Variants in CBLN2 observed in about 807,000 individuals in gnomAD.
CBLN2 encodes cerebellin 2 precursor.
CBLN2 carries 7 observed loss-of-function variants against 15.0 expected under a neutral mutation model. The observed-to-expected ratio is 0.47, with a 90% confidence interval of 0.27 to 0.88. The LOEUF is 0.88. Among genes scored for constraint, CBLN2 ranks in the 40% least tolerant of loss-of-function variants. The pLI is 0.14. For missense variants in CBLN2, 242 were observed against 304.5 expected (o/e 0.79, Z 1.53); for synonymous variants, 149 against 135.2 (o/e 1.10, Z -0.71).
At chr18:72,565,263 A>C (rs538668862) in intron 1 of CBLN2, among the ~76,000 whole-genome samples, 2 of 152,276 alleles carry the variant, frequency 1.3e-5, no homozygotes, top group South Asian at 4.1e-4. Context: ...CATGGTAGTA[A>C]TACATATTAC....
intron 1 of CBLN2, among the ~76,000 whole-genome samples, chr18:72,556,019 T>G (rs1023908413): frequency 2.6e-5 from 4 of 152,086 alleles, no homozygotes; most frequent in Non-Finnish European, 5.9e-5. Context: ...ACTGGCAATG[T>G]TTGGGATGGC....
chr18:72,589,858 T>G (rs184638404), intron 1 of CBLN2, among the ~76,000 whole-genome samples: 1 of 152,318 alleles, frequency 6.6e-6, no homozygotes, highest in Admixed American at 6.5e-5. Context: ...GGAGGTCAGC[T>G]GCAGTGGCTC....
chr18:72,572,978 G>A (rs2069341855), intron 1 of CBLN2, among the ~76,000 whole-genome samples: 1 of 152,106 alleles, frequency 6.6e-6, no homozygotes, highest in Admixed American at 6.5e-5. Flanking sequence ...ATCTTGATTA[G>A]TGAAGGAGCT....
chr18:72,549,861 T>C (rs895400396), intron 1 of CBLN2, among the ~76,000 whole-genome samples: 7 of 152,158 alleles, frequency 4.6e-5, no homozygotes, highest in Non-Finnish European at 2.9e-5. Context: ...ATCTGCACAT[T>C]ACTGGGCAAA....
intron 1 of CBLN2, among the ~76,000 whole-genome samples, chr18:72,594,022 C>G (rs1451990322): frequency 6.6e-6 from 1 of 152,224 alleles, no homozygotes; most frequent in Admixed American, 6.5e-5. Flanking sequence ...TCTCAGCAAA[C>G]TAACACAGGA....
chr18:72,612,866 C>T (rs1035168240), intron 1 of CBLN2, among the ~76,000 whole-genome samples: 1 of 152,226 alleles, frequency 6.6e-6, no homozygotes, highest in African/African-American at 2.4e-5. Context: ...GTGTCATAAA[C>T]TGGGTGCCCA....
At chr18:72,618,731 A>G in intron 1 of CBLN2, 1 of 719,234 alleles carries the variant, frequency 1.4e-6, no homozygotes. Flanking sequence ...TTTGATGACC[A>G]TGACTCCGTG....
intron 1 of CBLN2, among the ~76,000 whole-genome samples, chr18:72,638,013 G>C (rs1164918676): frequency 6.6e-6 from 1 of 152,200 alleles, no homozygotes; most frequent in African/African-American, 2.4e-5. Flanking sequence ...GACTGTGGTA[G>C]GAAAGCTTGG....
At chr18:72,592,093 A>G (rs1307560562) in intron 1 of CBLN2, among the ~76,000 whole-genome samples, 1 of 152,086 alleles carries the variant, frequency 6.6e-6, no homozygotes, top group Non-Finnish European at 1.5e-5. Context: ...TCCCACCAAC[A>G]TGTACTAATT....
intron 1 of CBLN2, among the ~76,000 whole-genome samples, chr18:72,628,822 C>T (rs920470228): frequency 2.6e-5 from 4 of 152,214 alleles, no homozygotes; most frequent in Non-Finnish European, 4.4e-5. Flanking sequence ...TCAATCATTT[C>T]CTAGCTGCTG....
intron 1 of CBLN2, among the ~76,000 whole-genome samples, chr18:72,561,025 G>A (rs993826234): frequency 6.6e-6 from 1 of 151,730 alleles, no homozygotes; most frequent in African/African-American, 2.4e-5. Flanking sequence ...AATAAAGAAA[G>A]AAAAATAAAA....
intron 1 of CBLN2, among the ~76,000 whole-genome samples, chr18:72,611,168 T>A (rs1223809444): frequency 6.6e-6 from 1 of 152,234 alleles, no homozygotes. Flanking sequence ...TGATTCCACA[T>A]CTTCACTATT....
At chr18:72,635,770 T>C (rs4892022) in intron 1 of CBLN2, among the ~76,000 whole-genome samples, 44,320 of 151,850 alleles carry the variant, frequency 0.29, 7,022 homozygotes, top group East Asian at 0.61. Flanking sequence ...AATGAATTCA[T>C]TAGGTTATCA....
intron 1 of CBLN2, among the ~76,000 whole-genome samples, chr18:72,575,080 T>C (rs2069356192): frequency 6.6e-6 from 1 of 152,140 alleles, no homozygotes; most frequent in Non-Finnish European, 1.5e-5. Flanking sequence ...GCTTCAGATG[T>C]AGAACCAACA....
intron 1 of CBLN2, among the ~76,000 whole-genome samples, chr18:72,556,213 C>T (rs75174893): frequency 3.9e-5 from 6 of 151,962 alleles, no homozygotes; most frequent in East Asian, 1.9e-4. Flanking sequence ...TTTTAACCAG[C>T]GAATAAATGT....
chr18:72,620,790 A>T (rs1190927316), intron 1 of CBLN2, among the ~76,000 whole-genome samples: 1 of 152,182 alleles, frequency 6.6e-6, no homozygotes, highest in Non-Finnish European at 1.5e-5. Flanking sequence ...ATCTTCCAAC[A>T]ACTTTTGATA....
Position 72,537,973 on chromosome 18 carries a change from G to A in CBLN2, c.*203C>T, listed in dbSNP as rs1407962412. The A allele has an allele frequency of 1.2e-5, 7 of 599,196 alleles. No individual in the cohort carries two copies. Among genetic ancestry groups the A allele is most frequent in the Admixed American group, 3.0e-5 (1 of 33,744 alleles). 37.1% of individuals were successfully genotyped at this position (599,196 alleles called of 1,614,324 possible). A position where few individuals can be genotyped will look rare whatever the true frequency, so the allele number is the denominator to read the frequency against. On this transcript the variant is annotated 3_prime_UTR_variant, in exon 5 of 5. Coordinates refer to ENST00000269503, the MANE Select transcript of CBLN2 (RefSeq NM_182511.4). ...AGACCTTGTCATCTAAAACTAATTA[G>A]AGGCCAGGTTCCCGAGGAATTGTCA...
At chr18:72,614,117 G>A (rs377355201) in intron 1 of CBLN2, among the ~76,000 whole-genome samples, 92 of 152,076 alleles carry the variant, frequency 6.0e-4, no homozygotes, top group African/African-American at 2.1e-3. Flanking sequence ...TATCCTCAAA[G>A]GAACATTCAC....
intron 1 of CBLN2, among the ~76,000 whole-genome samples, chr18:72,599,833 T>C (rs2069536591): frequency 1.3e-5 from 2 of 152,188 alleles, no homozygotes; most frequent in Non-Finnish European, 2.9e-5. Context: ...AGGCAGGTGA[T>C]AAGAGAGCCC....
Sources: allele counts gnomAD v4.1 joint callset (sites outside exome capture counted in the v4.1 genomes callset), GRCh38; gene constraint gnomAD v4.1.1; transcripts MANE v1.5; gene names NCBI Gene and HGNC (gene_info 2026-07-23, HGNC 2026-07-21).